NR4A1: variants seen among roughly 807,000 people sequenced by gnomAD.
NR4A1 encodes the protein nuclear receptor subfamily 4 group A member 1, also known as nuclear receptor subfamily 4immunitygroup A member 1.
A neutral mutation model predicts 47.5 loss-of-function variants in NR4A1; 24 were observed. The ratio of observed to expected loss-of-function variants is 0.50; its 90% CI spans 0.37 to 0.71. The LOEUF (loss-of-function observed/expected upper bound fraction) is 0.71, where lower values mean the gene tolerates loss of function less well. Ranked by LOEUF, NR4A1 falls within the 30% of genes least tolerant of loss-of-function variation. NR4A1 has a pLI of 0.00. For synonymous variants in NR4A1, 353 were observed against 345.7 expected, an observed-to-expected ratio of 1.02 and a Z score of -0.24; for missense variants, 669 against 788.6, an observed-to-expected ratio of 0.85 and a Z score of 1.82.
intron 2 of NR4A1, chr12:52,041,980 G>A: frequency 7.8e-7 from 1 of 1,282,148 alleles, no homozygotes; most frequent in Non-Finnish European, 9.9e-7. Context: ...GGTGGGGTTG[G>A]GGGGCAGAGG....
chr12:52,048,511 G>T (rs1044020921), upstream of NR4A1, among the ~76,000 whole-genome samples: 1 of 151,088 alleles, frequency 6.6e-6, no homozygotes, highest in Non-Finnish European at 1.5e-5. Context: ...GGAGAATGGC[G>T]TGAACCCGGG....
chr12:52,023,235 C>T (rs890109669), intron 1 of NR4A1, among the ~76,000 whole-genome samples: 2 of 152,328 alleles, frequency 1.3e-5, no homozygotes, highest in Non-Finnish European at 2.9e-5. Flanking sequence ...GGCTAGACTG[C>T]GGCGGTTGGG....
At chr12:52,051,401 C>G, upstream of NR4A1, 1 of 985,520 alleles carries the variant, frequency 1.0e-6, no homozygotes, top group Non-Finnish European at 1.2e-6. Context: ...CCTCCCCGTG[C>G]GTCACGGAGC....
In NR4A1 at chr12:52,059,042, G is replaced by C. The variant is rs909933604; in HGVS notation, c.*98G>C. 3.5e-5 allele frequency: 50 copies of C among 1,428,618 alleles called. No individual in the cohort carries two copies. Among genetic ancestry groups the C allele is most frequent in the Admixed American group, 4.5e-5 (2 of 44,120 alleles). The allele number at this position is 1,428,618 out of a possible 1,614,324, so 88.5% of individuals were successfully genotyped here. ...CCAGAGCACCCCCAAGCCTGGGCTT[G>C]AGCTGCAGAATGACTCCACCTTCTC... On this transcript the variant is annotated 3_prime_UTR_variant, in exon 7 of 7. Coordinates refer to ENST00000394825, the MANE Select transcript of NR4A1 (RefSeq NM_173157.3).
upstream of NR4A1, among the ~76,000 whole-genome samples, chr12:52,049,450 A>G (rs1938810788): frequency 6.6e-6 from 1 of 152,188 alleles, no homozygotes; most frequent in Non-Finnish European, 1.5e-5. Context: ...CACTGGGCGC[A>G]GGCAGTTGGT....
chr12:52,047,102 T>G (rs1179892419), upstream of NR4A1, among the ~76,000 whole-genome samples: 5 of 152,138 alleles, frequency 3.3e-5, no homozygotes. Flanking sequence ...GTCATGGCCT[T>G]GCCTTACCTC....
chr12:52,030,186 G>A (rs1297723439), intron 1 of NR4A1, among the ~76,000 whole-genome samples: 1 of 152,198 alleles, frequency 6.6e-6, no homozygotes, highest in Non-Finnish European at 1.5e-5. Context: ...CCCTTCCTTA[G>A]GCCCTGTCTC....
At chr12:52,047,750 C>T (rs1233976279), upstream of NR4A1, among the ~76,000 whole-genome samples, 2 of 152,206 alleles carry the variant, frequency 1.3e-5, no homozygotes, top group Admixed American at 6.5e-5. Flanking sequence ...TTTCCTTGGG[C>T]TTATGGGTGG....
In NR4A1 at chr12:52,054,460, C is replaced by T. The variant is rs747733985; in HGVS notation, c.132C>T (p.Pro44=). ...ACCTGGCCAGCCCCGAGGCAGCCCC[C>T]GCTGCCCCCACTGCCCTGCCCAGCT... ...TMDLASPEAA[P]AAPTALPSFS... The change falls in exon 2 of 7, where the codon CCC becomes CCT. Residue 44 remains proline (P), a synonymous_variant. Transcript: ENST00000394825. The T allele has an allele frequency of 1.1e-4, 174 of 1,613,578 alleles. No homozygotes were observed. The highest frequency in any genetic ancestry group is 1.4e-4 in the Non-Finnish European group (163 of 1,179,986).
At chr12:52,037,554 A>G in intron 1 of NR4A1, 2 of 980,178 alleles carry the variant, frequency 2.0e-6, no homozygotes, top group Non-Finnish European at 2.4e-6. Flanking sequence ...TCCCGCTTGG[A>G]AACTGGGGAG....
chr12:52,023,620 A>G (rs977651925), intron 1 of NR4A1, among the ~76,000 whole-genome samples: 2 of 148,576 alleles, frequency 1.3e-5, no homozygotes, highest in African/African-American at 5.0e-5. Context: ...TGCACTCTCA[A>G]CCCCTCACCC....
intron 2 of NR4A1, 66 bp from the exon 3 acceptor site, chr12:52,055,964 T>TC: frequency 6.4e-6 from 2 of 314,630 alleles, no homozygotes; most frequent in Non-Finnish European, 1.2e-5. Context: ...GACGGTCCCC[T>TC]CCCCTAAGTT....
At chr12:52,044,162 C>G (rs1416226113) in intron 2 of NR4A1, among the ~76,000 whole-genome samples, 1 of 152,226 alleles carries the variant, frequency 6.6e-6, no homozygotes, top group Non-Finnish European at 1.5e-5. Context: ...CTCAGAGCTT[C>G]CCCACAGGGT....
chr12:52,052,643 G>A (rs1320653811), intron 1 of NR4A1: 2 of 985,462 alleles, frequency 2.0e-6, no homozygotes, highest in East Asian at 2.3e-4. Context: ...TGTGAGGCTA[G>A]ATGTAGGTCC....
At position 52,058,695 on chromosome 12, in the gene NR4A1, T is replaced by C. The variant is rs762394550; in HGVS notation, c.1548T>C (p.His516=). 4 of 1,605,044 alleles carry C rather than the reference T, an allele frequency of 2.5e-6. No homozygotes were observed. Among genetic ancestry groups the C allele is most frequent in the Admixed American group, 1.7e-5 (1 of 59,548 alleles). The part of the protein sequence containing the change: ...LSALVLITDR[H]GLQEPRRVEE... ...CCTGTACCCTTCCCGCAGACCGGCA[T>C]GGGCTGCAGGAGCCGCGGCGGGTGG... Residue 516 remains histidine (H), a synonymous_variant, in exon 7 of 7, where the codon CAT becomes CAC. Coordinates refer to ENST00000394825, the MANE Select transcript of NR4A1 (RefSeq NM_173157.3).
intron 1 of NR4A1, among the ~76,000 whole-genome samples, chr12:52,036,909 G>A (rs1938252244): frequency 6.6e-6 from 1 of 152,222 alleles, no homozygotes; most frequent in African/African-American, 2.4e-5. Context: ...CCCAGCCTCG[G>A]AAGGTGTGAG....
At position 52,043,723 on chromosome 12, in the gene NR4A1, C is replaced by T; in HGVS notation, c.37+1794C>T. 9 of 1,276,366 alleles carry T rather than the reference C, an allele frequency of 7.1e-6. No homozygotes were observed. The South Asian group carries it at 1.1e-4, about 16-fold the overall frequency. 79.1% of individuals were successfully genotyped at this position (1,276,366 alleles called of 1,614,324 possible). On this transcript the variant is annotated intron_variant, in intron 2 of 7. Coordinates refer to the NR4A1 transcript ENST00000360284. Reference sequence around the variant, plus strand: ...GGACACGCCGGCTTGGAGGCAGCACCACATCCAGAGCTCGCTCAGCTGCTG... The same window carrying T: ...GGACACGCCGGCTTGGAGGCAGCACTACATCCAGAGCTCGCTCAGCTGCTG...
At chr12:52,052,489 C>G (rs1288983512) in intron 1 of NR4A1, 1 of 985,394 alleles carries the variant, frequency 1.0e-6, no homozygotes, top group Non-Finnish European at 1.2e-6. Flanking sequence ...TCTGTTGGAT[C>G]TTACAGGTAG....
upstream of NR4A1, among the ~76,000 whole-genome samples, chr12:52,049,335 CTGTG>C (rs1938804420): frequency 6.6e-6 from 1 of 152,186 alleles, no homozygotes; most frequent in Non-Finnish European, 1.5e-5. Flanking sequence ...CAAGGGTCAA[CTGTG>C]TATGAAGACT....
Sources: allele counts gnomAD v4.1 joint callset (sites outside exome capture counted in the v4.1 genomes callset), GRCh38; gene constraint gnomAD v4.1.1; transcripts MANE v1.5; gene names NCBI Gene and HGNC (gene_info 2026-07-23, HGNC 2026-07-21).